RORC: variants seen among roughly 807,000 people sequenced by gnomAD.
RORC encodes the protein RAR related orphan receptor C.
RORC carries 13 observed loss-of-function variants against 64.5 expected under a neutral mutation model. That is an observed-to-expected ratio of 0.20 (90% CI 0.13 to 0.32). The LOEUF (loss-of-function observed/expected upper bound fraction) is 0.32. Among genes scored for constraint, RORC ranks in the 10% least tolerant of loss-of-function variants. The pLI, the probability that RORC is intolerant of heterozygous loss-of-function variation, is 1.00. For missense variants in RORC, 468 were observed against 669.5 expected (o/e 0.70, Z 3.32); for synonymous variants, 277 against 259.3 (o/e 1.07, Z -0.65).
chr1:151,831,125 C>T, intron 1 of RORC: 2 of 1,283,664 alleles, frequency 1.6e-6, no homozygotes, highest in Non-Finnish European at 1.0e-6. Flanking sequence ...CCCAGTGCCC[C>T]ACATTCTCTG....
chr1:151,815,021 C>G lies in RORC; in HGVS notation c.703G>C (p.Glu235Gln). 2.5e-6 allele frequency: 4 copies of G among 1,614,208 alleles called. No individual in the cohort carries two copies. Among genetic ancestry groups the G allele is most frequent in the Non-Finnish European group, 2.5e-6 (3 of 1,180,038 alleles). Residue 235 changes from glutamate to glutamine, a missense_variant, in exon 5 of 11, where the codon GAA becomes CAA. Physicochemically the swap from Glu to Gln is conservative, Grantham distance 29 (BLOSUM62 2). Coordinates refer to ENST00000318247, the MANE Select transcript of RORC (RefSeq NM_005060.4). ...TPDRCGLRFE[E>Q]HRHPGLGELG... is the part of the protein sequence containing the mutation. ...TCCCCAAGCCCAGGATGCCTGTGTT[C>G]CTCAAAACGAAGTCCACATCGGTCA... is the stretch of plus-strand genomic sequence containing the variant.
chr1:151,814,984 C>A lies in RORC; in HGVS notation c.740G>T (p.Gly247Val). 1 of 1,614,192 alleles carries A rather than the reference C, an allele frequency of 6.2e-7. No individual in the cohort carries two copies. The highest frequency in any genetic ancestry group is 8.5e-7 in the Non-Finnish European group (1 of 1,180,016). The change falls in exon 5 of 11, where the codon GGC (glycine) becomes GTC (valine). Residue 247 changes from glycine to valine, a missense_variant. By Grantham distance (109) the Gly-to-Val change is moderately radical (BLOSUM62 -3). This residue lies in a region of RORC where 241 missense variants were observed against 295.5 expected (regional missense o/e 0.82). Coordinates refer to ENST00000318247, the MANE Select transcript of RORC (RefSeq NM_005060.4). The part of the protein sequence containing the change: ...RHPGLGELGQ[G>V]PDSYGSPSFR... ...ACTGGGGCTGCCGTAGCTGTCTGGG[C>A]CCTGTCCCAGTTCCCCAAGCCCAGG...
intron 6 of RORC, chr1:151,813,945 G>T: frequency 3.7e-6 from 1 of 272,120 alleles, no homozygotes; most frequent in East Asian, 7.6e-5. Flanking sequence ...CAAAGGTTAT[G>T]CCCAAGGTCT....
At position 151,807,600 on chromosome 1, in the gene RORC, T is replaced by C. The variant is rs549733161; in HGVS notation, c.1429A>G (p.Ser477Gly). 3.1e-6 allele frequency: 5 copies of C among 1,614,210 alleles called. No homozygotes were observed. In the African/African-American group the frequency reaches 6.7e-5, roughly 22 times the overall value. ...PPKGKLRSLC[S>G]QHVERLQIFQ... ...ATCTGCAGCCTTTCCACATGCTGGC[T>C]ACACAGGCTCCGAAGCTTCCCCTTG... The change falls in exon 11 of 11, where the codon AGC becomes GGC. Residue 477 changes from serine (S) to glycine (G), a missense_variant. Coordinates refer to ENST00000318247, the MANE Select transcript of RORC (RefSeq NM_005060.4). The surrounding 1 kb of genome is among the most constrained non-coding windows in gnomAD (Gnocchi z 5.0).
At position 151,807,959 on chromosome 1, in the gene RORC, A is replaced by G. The variant is rs751334861; in HGVS notation, c.1396-326T>C. On this transcript the variant is annotated intron_variant, in intron 10 of 10. Transcript: ENST00000318247. This position sits in a 1 kb window ranked among gnomAD's most constrained non-coding sequence, Gnocchi z 5.0. ...AGTGATTGTCTGTGACTCTTGTTGTATGCTGTCACATGCCTCTGCCTTTGT... is the reference window on the plus strand; with the variant it reads ...AGTGATTGTCTGTGACTCTTGTTGTGTGCTGTCACATGCCTCTGCCTTTGT... 1.3e-5 allele frequency among the ~76,000 whole-genome samples: 2 copies of G among 152,134 alleles called. No homozygotes were observed. Among genetic ancestry groups the G allele is most frequent in the African/African-American group, 2.4e-5 (1 of 41,416 alleles).
chr1:151,814,833 C>G, intron 5 of RORC, 80 bp downstream of exon 5: 2 of 1,555,952 alleles, frequency 1.3e-6, no homozygotes, highest in Middle Eastern at 1.9e-4. Context: ...TTCCCTCAGG[C>G]GCATGTTTGA....
In RORC at chr1:151,831,753, G is replaced by A. The variant is rs200940072; in HGVS notation, c.12C>T (p.Ala4=). The part of the protein sequence containing the change: MDR[A]PQRQHRASRE... ...GTGAGGCTCGGTGCTGTCTCTGTGG[G>A]GCCCTGTCCATGGGGCAGCTCCCTT... Residue 4 remains alanine (A), a synonymous_variant, in exon 1 of 11, where the codon GCC becomes GCT. Coordinates refer to ENST00000318247, the MANE Select transcript of RORC (RefSeq NM_005060.4). The A allele has an allele frequency of 5.6e-6, 9 of 1,609,734 alleles. No homozygotes were observed. The highest frequency in any genetic ancestry group is 2.7e-5 in the African/African-American group (2 of 74,904).
intron 1 of RORC, chr1:151,831,240 T>G (rs577088488): frequency 1.6e-6 from 1 of 640,786 alleles, no homozygotes; most frequent in Admixed American, 3.5e-5. Context: ...ACTCCCCAAG[T>G]CTGTCACTCC....
intron 2 of RORC, among the ~76,000 whole-genome samples, chr1:151,823,534 T>C (rs1652074404): frequency 6.6e-6 from 1 of 152,224 alleles, no homozygotes; most frequent in South Asian, 2.1e-4. Flanking sequence ...TGTGTCTCCC[T>C]GTCTTCCCTT....
At chr1:151,824,460 C>T (rs1356723750) in intron 2 of RORC, among the ~76,000 whole-genome samples, 8 of 152,180 alleles carry the variant, frequency 5.3e-5, no homozygotes, top group African/African-American at 1.4e-4. Flanking sequence ...AGTCTGCCAG[C>T]GTTTGCTGCT....
intron 10 of RORC, among the ~76,000 whole-genome samples, chr1:151,809,443 C>A (rs1350366760): frequency 6.6e-6 from 1 of 151,834 alleles, no homozygotes; most frequent in East Asian, 1.9e-4. Context: ...AAGAAAAAAA[C>A]CACAGGAGTA....
At chr1:151,813,124 T>G in intron 8 of RORC, 67 bp from the exon 9 acceptor site, 1 of 1,465,280 alleles carries the variant, frequency 6.8e-7, no homozygotes, top group Non-Finnish European at 9.6e-7. Context: ...ACACCGCCCT[T>G]ATTGTGTTTA....
At chr1:151,818,954 A>G (rs535500843) in intron 2 of RORC, among the ~76,000 whole-genome samples, 94 of 152,296 alleles carry the variant, frequency 6.2e-4, no homozygotes, top group Middle Eastern at 3.4e-3. Context: ...AGTCAGAGGC[A>G]GTAGCTGACC....
intron 9 of RORC, chr1:151,812,206 G>T (rs983608130): frequency 6.6e-6 from 1 of 152,168 alleles, no homozygotes; most frequent in African/African-American, 2.4e-5. Context: ...ATTACAGATG[G>T]TCCCAGTCTT....
intron 2 of RORC, among the ~76,000 whole-genome samples, chr1:151,821,998 T>C (rs2101668747): frequency 6.6e-6 from 1 of 152,190 alleles, no homozygotes; most frequent in East Asian, 1.9e-4. Flanking sequence ...CGGGGACTCC[T>C]CAGGAACACC....
intron 2 of RORC, among the ~76,000 whole-genome samples, chr1:151,818,031 A>G (rs1651837835): frequency 6.6e-6 from 1 of 152,262 alleles, no homozygotes; most frequent in Non-Finnish European, 1.5e-5. Flanking sequence ...TTGTGTGAAC[A>G]TGAATCATCA....
At position 151,821,740 on chromosome 1, in the gene RORC, G is replaced by A. The variant is rs1040912062; in HGVS notation, c.71-4460C>T. On this transcript the variant is annotated intron_variant, in intron 2 of 10. Coordinates refer to ENST00000318247, the MANE Select transcript of RORC (RefSeq NM_005060.4). ...AGGATAAGACGCCCAAATGCACACC[G>A]GAGACCTGGGTAGAGGACATGGTTA... 9.2e-5 allele frequency among the ~76,000 whole-genome samples: 14 copies of A among 152,124 alleles called. No homozygotes were observed. In the South Asian group the frequency reaches 1.2e-3, roughly 14 times the overall value.
chr1:151,816,856 T>A lies in RORC; in HGVS notation c.157-51A>T, dbSNP rs960167563. The A allele has an allele frequency of 2.4e-5, 35 of 1,461,698 alleles. No homozygotes were observed. The Admixed American group carries it at 6.8e-4, about 28-fold the overall frequency. 90.5% of individuals were successfully genotyped at this position (1,461,698 alleles called of 1,614,324 possible). ...ACTGCTTATCCTGGTCAGGCCCAGC[T>A]CACTCACAAAGGCCTCCAGCCCACA... On this transcript the variant is annotated intron_variant, in intron 3 of 10. Coordinates refer to ENST00000318247, the MANE Select transcript of RORC (RefSeq NM_005060.4).
At chr1:151,822,374 C>T (rs2101669498) in intron 2 of RORC, among the ~76,000 whole-genome samples, 1 of 152,354 alleles carries the variant, frequency 6.6e-6, no homozygotes, top group Non-Finnish European at 1.5e-5. Flanking sequence ...GGCCAGGGCC[C>T]TCACCGCAGC....
Sources: allele counts gnomAD v4.1 joint callset (sites outside exome capture counted in the v4.1 genomes callset), GRCh38; gene constraint gnomAD v4.1.1; regional missense constraint gnomAD v4.1.1; non-coding constraint Gnocchi (gnomAD v3.1); transcripts MANE v1.5; gene names NCBI Gene and HGNC (gene_info 2026-07-23, HGNC 2026-07-21).